Variants in FGD3 observed in about 807,000 individuals in gnomAD.
FGD3 encodes the protein FYVE, RhoGEF and PH domain-containing protein 3.
FGD3 carries 45 observed loss-of-function variants against 71.8 expected under a neutral mutation model. The ratio of observed to expected loss-of-function variants is 0.63; its 90% CI spans 0.49 to 0.80. The LOEUF (loss-of-function observed/expected upper bound fraction) is 0.80, where lower values mean the gene tolerates loss of function less well. FGD3 is among the 30% of genes least tolerant of loss of function. The pLI is 0.00. For missense variants in FGD3, 844 were observed against 951.5 expected, an observed-to-expected ratio of 0.89 and a Z score of 1.49; for synonymous variants, 378 against 392.8, an observed-to-expected ratio of 0.96 and a Z score of 0.44.
intron 9 of FGD3, among the ~76,000 whole-genome samples, chr9:93,015,022 A>G (rs375486775): frequency 3.7e-4 from 49 of 133,234 alleles, no homozygotes; most frequent in African/African-American, 1.3e-3. Context: ...CCTGGCAACC[A>G]TGGATCTCTT....
rs1347502736 is a variant in FGD3 at position 93,015,848 on chromosome 9, C to T, written c.1275+19C>T. The T allele has an allele frequency of 1.2e-6, 2 of 1,610,488 alleles. No individual in the cohort carries two copies. The highest frequency in any genetic ancestry group is 4.5e-5 in the East Asian group (2 of 44,864). On this transcript the variant is annotated intron_variant, in intron 10 of 17. Transcript: ENST00000375482. ...CCTCCAGGTGGGTGAGCTCCTCCATCTCAAACCTGTCCCCCTGGAAGGGGC... is the reference window on the plus strand; with the variant it reads ...CCTCCAGGTGGGTGAGCTCCTCCATTTCAAACCTGTCCCCCTGGAAGGGGC...
At chr9:92,956,273 C>T (rs1859049115) in intron 1 of FGD3, among the ~76,000 whole-genome samples, 1 of 152,178 alleles carries the variant, frequency 6.6e-6, no homozygotes, top group Non-Finnish European at 1.5e-5. Flanking sequence ...CTAGAACCTT[C>T]TCCACTGTGT....
chr9:92,995,451 T>A (rs112830564), intron 3 of FGD3, among the ~76,000 whole-genome samples: 1 of 152,230 alleles, frequency 6.6e-6, no homozygotes, highest in Non-Finnish European at 1.5e-5. Flanking sequence ...CTTTTCCTAA[T>A]TGAATATGCT....
intron 6 of FGD3, 55 bp downstream of exon 6, chr9:93,006,235 G>C: frequency 1.4e-6 from 2 of 1,440,036 alleles, no homozygotes; most frequent in South Asian, 1.6e-5. Flanking sequence ...CACAGAGCCT[G>C]GTGTTTTATT....
intron 1 of FGD3, among the ~76,000 whole-genome samples, chr9:92,954,730 T>A (rs1859017490): frequency 6.6e-6 from 1 of 152,202 alleles, no homozygotes; most frequent in Admixed American, 6.5e-5. Flanking sequence ...TGAATGGGAC[T>A]CTTACTTCCA....
intron 14 of FGD3, among the ~76,000 whole-genome samples, chr9:93,026,371 C>T (rs1178822921): frequency 6.6e-6 from 1 of 152,100 alleles, no homozygotes; most frequent in African/African-American, 2.4e-5. Context: ...TAACTTCATT[C>T]ACAAAGGGGC....
chr9:92,998,362 C>T (rs546327138), intron 3 of FGD3, among the ~76,000 whole-genome samples: 15 of 152,300 alleles, frequency 9.8e-5, no homozygotes, highest in African/African-American at 3.6e-4. Context: ...TTCTAGTTAG[C>T]TATTCGTCTA....
At position 93,015,443 on chromosome 9, in the gene FGD3, C is replaced by G. The variant is rs150952598; in HGVS notation, c.1183-294C>G. Among the ~76,000 whole-genome samples the G allele has an allele frequency of 9.9e-5, 15 of 151,808 alleles. No individual in the cohort carries two copies. The East Asian group carries it at 2.9e-3, about 29-fold the overall frequency. On this transcript the variant is annotated intron_variant, in intron 9 of 17. Transcript: ENST00000375482. ...TGCACTTCAGACTGGGCAACGAGAG[C>G]AAGACTCCATCTCAAAAAAATAAAA...
chr9:93,035,436 G>C lies in FGD3; in HGVS notation c.2025G>C (p.Gln675His), dbSNP rs370940463. 2 of 1,612,646 alleles carry C rather than the reference G, an allele frequency of 1.2e-6. No individual in the cohort carries two copies. Among genetic ancestry groups the C allele is most frequent in the African/African-American group, 1.3e-5 (1 of 74,916 alleles). The change falls in exon 18 of 18, where the codon CAG (glutamine) becomes CAC (histidine). Residue 675 changes from glutamine to histidine, a missense_variant. Transcript: ENST00000375482. ...RLDSGHVWKL[Q>H]WAKQSWYLSA... is the part of the protein sequence containing the mutation. ...ACTCGGGGCATGTGTGGAAGCTGCA[G>C]TGGGCCAAGCAGTCCTGGTACCTGA...
chr9:93,026,312 A>T (rs1862111097), intron 14 of FGD3, among the ~76,000 whole-genome samples: 2 of 152,156 alleles, frequency 1.3e-5, no homozygotes, highest in Admixed American at 1.3e-4. Context: ...TGATATCCCG[A>T]CATCCACAAC....
chr9:92,979,954 C>CT lies in FGD3; in HGVS notation c.453+3256dup, dbSNP rs577038256. ...TTTTAGTTGAGTCTTCTCTCTCTCTCTTTTTTTTTTTGAGGCAGTCTATTT... is the reference window on the plus strand; with the variant it reads ...TTTTAGTTGAGTCTTCTCTCTCTCTCTTTTTTTTTTTTGAGGCAGTCTATTT... On this transcript the variant is annotated intron_variant, in intron 3 of 17. Transcript: ENST00000375482. 5.8e-3 allele frequency among the ~76,000 whole-genome samples: 828 copies of CT among 143,372 alleles called. 8 individuals carry two copies. Among genetic ancestry groups the CT allele is most frequent in the African/African-American group, 0.017 (669 of 39,166 alleles). 94.1% of individuals were successfully genotyped at this position (143,372 alleles called of 152,430 possible).
At position 93,035,376 on chromosome 9, in the gene FGD3, C is replaced by T. The variant is rs369010279; in HGVS notation, c.1965C>T (p.Cys655=). 2.5e-6 allele frequency: 4 copies of T among 1,610,972 alleles called. No homozygotes were observed. In the African/African-American group the frequency reaches 5.3e-5, roughly 22 times the overall value. ...RLPRTIPLPS[C]KLSVPDPEER... ...CCCGCACCATCCCTCTCCCCAGCTG[C>T]AAACTGAGTGTGCCGGACCCTGAGG... The change falls in exon 18 of 18, where the codon TGC becomes TGT. Residue 655 remains cysteine, a synonymous_variant. Coordinates refer to ENST00000375482, the MANE Select transcript of FGD3 (RefSeq NM_001083536.2).
At chr9:92,997,831 G>T (rs1292200139) in intron 3 of FGD3, among the ~76,000 whole-genome samples, 1 of 152,204 alleles carries the variant, frequency 6.6e-6, no homozygotes, top group African/African-American at 2.4e-5. Flanking sequence ...TTTCTGCCGA[G>T]AGATCCACTG....
intron 16 of FGD3, 104 bp downstream of exon 16, chr9:93,032,977 C>G: frequency 9.0e-7 from 1 of 1,117,064 alleles, no homozygotes; most frequent in East Asian, 2.4e-5. Context: ...TTCGGAGTGT[C>G]CCTGGGACCA....
chr9:93,011,465 C>G (rs1433792529), intron 8 of FGD3, among the ~76,000 whole-genome samples, 193 bp downstream of exon 8: 1 of 152,206 alleles, frequency 6.6e-6, no homozygotes, highest in African/African-American at 2.4e-5. Flanking sequence ...GACCTGTGTC[C>G]TTGGTGAGTT....
chr9:92,956,219 G>A (rs1347837322), intron 1 of FGD3, among the ~76,000 whole-genome samples: 1 of 152,060 alleles, frequency 6.6e-6, no homozygotes, highest in Non-Finnish European at 1.5e-5. Flanking sequence ...CTTCCTTTCT[G>A]CTCAGCATGC....
At position 93,035,520 on chromosome 9, in the gene FGD3, T is replaced by C. The variant is rs1293506622; in HGVS notation, c.2109T>C (p.His703=). 6.2e-7 allele frequency: 1 copy of C among 1,612,508 alleles called. No homozygotes were observed. Among genetic ancestry groups the C allele is most frequent in the African/African-American group, 1.3e-5 (1 of 75,032 alleles). ...QWLETLSTAA[H]GDTAQDSPGA... ...TGGAAACCCTAAGCACTGCTGCCCA[T>C]GGGGACACGGCCCAGGACAGCCCGG... Residue 703 remains histidine, a synonymous_variant, in exon 18 of 18, where the codon CAT becomes CAC. Transcript: ENST00000375482.
At chr9:92,987,958 C>A (rs2118634487) in intron 3 of FGD3, among the ~76,000 whole-genome samples, 1 of 152,246 alleles carries the variant, frequency 6.6e-6, no homozygotes, top group East Asian at 1.9e-4. Context: ...GACTGCATTT[C>A]CCTGGTGCTG....
At chr9:93,014,740 C>T (rs897955627) in intron 9 of FGD3, among the ~76,000 whole-genome samples, 3 of 152,134 alleles carry the variant, frequency 2.0e-5, no homozygotes, top group African/African-American at 7.2e-5. Flanking sequence ...CTCCCAGGTT[C>T]AAGCAATTGT....
Sources: gnomAD v4.1 joint callset for allele counts (sites outside exome capture counted in the v4.1 genomes callset) on GRCh38, gnomAD v4.1.1 for gene constraint, MANE v1.5 for transcripts, NCBI Gene and HGNC (gene_info 2026-07-23, HGNC 2026-07-21) for gene names.